FIRRM: variants seen among roughly 807,000 people sequenced by gnomAD.
FIRRM encodes FIGNL1-interacting regulator of recombination and mitosis.
At chr1:169,790,063 C>T in the FIRRM span, among the ~76,000 whole-genome samples, 4 of 152,114 alleles carry the variant, frequency 2.6e-5, no homozygotes, top group Admixed American at 6.5e-5. Context: ...GAGAAAGCTG[C>T]GTATCTGTTT....
the FIRRM span, chr1:169,803,455 A>T: frequency 1.1e-6 from 1 of 898,896 alleles, no homozygotes. Context: ...GTAAGTAAAT[A>T]ATTGTTGCAA....
the FIRRM span, among the ~76,000 whole-genome samples, chr1:169,841,169 G>T: frequency 2.0e-5 from 3 of 152,070 alleles, no homozygotes; most frequent in African/African-American, 7.2e-5. Context: ...AGGGATGTTG[G>T]ATTTTATCAA....
the FIRRM span, among the ~76,000 whole-genome samples, chr1:169,845,447 C>G: frequency 6.6e-6 from 1 of 152,250 alleles, no homozygotes; most frequent in East Asian, 1.9e-4. Context: ...TTGACTCTTC[C>G]CTTCATGAAA....
the FIRRM span, among the ~76,000 whole-genome samples, chr1:169,788,731 G>C: frequency 6.6e-6 from 1 of 151,974 alleles, no homozygotes; most frequent in African/African-American, 2.4e-5. Context: ...TTTTTTTGCA[G>C]ATCACAAATT....
the FIRRM span, among the ~76,000 whole-genome samples, chr1:169,816,345 T>C: frequency 6.6e-6 from 1 of 152,090 alleles, no homozygotes; most frequent in Non-Finnish European, 1.5e-5. Context: ...ATAAGCAGGG[T>C]TAGTCTAAAT....
At chr1:169,821,829 C>A in the FIRRM span, 3 of 1,019,054 alleles carry the variant, frequency 2.9e-6, no homozygotes, top group Non-Finnish European at 4.4e-6. Context: ...ATCCCTATTC[C>A]ACAGAATAGA....
chr1:169,807,870 C>G, the FIRRM span: 3 of 1,609,578 alleles, frequency 1.9e-6, no homozygotes, highest in Non-Finnish European at 1.7e-6. Flanking sequence ...TGAAGACATT[C>G]TTTTCTCCTT....
At chr1:169,808,912 T>C in the FIRRM span, among the ~76,000 whole-genome samples, 1 of 152,314 alleles carries the variant, frequency 6.6e-6, no homozygotes, top group South Asian at 2.1e-4. Flanking sequence ...ATGTAATAAT[T>C]TTAATGGGAC....
chr1:169,788,158 T>C, the FIRRM span, among the ~76,000 whole-genome samples: 3 of 152,222 alleles, frequency 2.0e-5, no homozygotes, highest in Admixed American at 6.5e-5. Flanking sequence ...TGCAATTCTA[T>C]TGTAAAGGCT....
chr1:169,809,523 T>A, the FIRRM span, among the ~76,000 whole-genome samples: 1 of 152,150 alleles, frequency 6.6e-6, no homozygotes, highest in Non-Finnish European at 1.5e-5. Context: ...AAGAGTAAGA[T>A]GAAGAAAGTC....
At chr1:169,802,723 C>CA in the FIRRM span, 3 of 1,588,688 alleles carry the variant, frequency 1.9e-6, no homozygotes, top group Admixed American at 5.1e-5. Flanking sequence ...GAATATTTTA[C>CA]AAGTAAGTCA....
the FIRRM span, chr1:169,795,330 C>A: frequency 1.4e-6 from 2 of 1,410,554 alleles, no homozygotes; most frequent in Admixed American, 2.5e-5. Context: ...CGGCCTGAAC[C>A]CCCTCTTTTC....
the FIRRM span, chr1:169,849,997 T>C: frequency 2.0e-6 from 1 of 499,894 alleles, no homozygotes; most frequent in Non-Finnish European, 3.6e-6. Flanking sequence ...CTGCATTTGC[T>C]GTATAGTCAT....
At chr1:169,799,408 C>G in the FIRRM span, among the ~76,000 whole-genome samples, 1 of 152,172 alleles carries the variant, frequency 6.6e-6, no homozygotes, top group Non-Finnish European at 1.5e-5. Flanking sequence ...ATCAGTCTTA[C>G]TTGATGAGAT....
At chr1:169,841,055 T>C in the FIRRM span, among the ~76,000 whole-genome samples, 1 of 152,234 alleles carries the variant, frequency 6.6e-6, no homozygotes, top group South Asian at 2.1e-4. Flanking sequence ...CCTCCAGTTT[T>C]TGCCTGTTCA....
the FIRRM span, chr1:169,823,452 A>G: frequency 1.9e-6 from 3 of 1,604,422 alleles, no homozygotes; most frequent in South Asian, 2.2e-5. Flanking sequence ...CTTTGCACCA[A>G]CTGTATCTTC....
At chr1:169,832,360 A>G in the FIRRM span, 8 of 1,242,058 alleles carry the variant, frequency 6.4e-6, no homozygotes, top group African/African-American at 1.0e-4. Flanking sequence ...CTCTTCTTGT[A>G]AAAATTCTGA....
chr1:169,840,417 TCTC>T, the FIRRM span, among the ~76,000 whole-genome samples: 1 of 152,318 alleles, frequency 6.6e-6, no homozygotes, highest in African/African-American at 2.4e-5. Flanking sequence ...GTTTTATAGT[TCTC>T]CTTGTAGAGA....
the FIRRM span, chr1:169,829,165 T>G: frequency 1.8e-6 from 2 of 1,103,158 alleles, no homozygotes; most frequent in Admixed American, 6.5e-5. Flanking sequence ...TTGAAACATT[T>G]TCTGCTTAAA....
Sources: gnomAD v4.1 joint callset for allele counts (sites outside exome capture counted in the v4.1 genomes callset) on GRCh38, gnomAD v4.1.1 for gene constraint, MANE v1.5 for transcripts, NCBI Gene and HGNC (gene_info 2026-07-23, HGNC 2026-07-21) for gene names.